The following TMEM131 variants were observed in gnomAD, a reference collection of about 807,000 sequenced individuals.
The protein encoded by TMEM131 is 2610524E03Rik.
TMEM131 carries 66 observed loss-of-function variants against 211.6 expected under a neutral mutation model. That is an observed-to-expected ratio of 0.31 (90% CI 0.26 to 0.38). The LOEUF is 0.38. TMEM131 is among the 10% of genes least tolerant of loss of function. The pLI, the probability that TMEM131 is intolerant of heterozygous loss-of-function variation, is 1.00. For synonymous variants in TMEM131, 844 were observed against 841.3 expected, an observed-to-expected ratio of 1.00 and a Z score of -0.06; for missense variants, 2,036 against 2,299.3, an observed-to-expected ratio of 0.89 and a Z score of 2.34.
At chr2:97,844,965 A>AG in intron 5 of TMEM131, among the ~76,000 whole-genome samples, 1 of 152,228 alleles carries the variant, frequency 6.6e-6, no homozygotes, top group Non-Finnish European at 1.5e-5. Flanking sequence ...TGCTACCTAA[A>AG]TGATAGCTCA....
intron 1 of TMEM131, among the ~76,000 whole-genome samples, chr2:97,932,648 A>G (rs1291231488): frequency 6.6e-6 from 1 of 152,184 alleles, no homozygotes; most frequent in African/African-American, 2.4e-5. Flanking sequence ...TAAGTCATCT[A>G]AAAAGATCTG....
intron 1 of TMEM131, among the ~76,000 whole-genome samples, chr2:97,955,534 T>C (rs1678529616): frequency 6.6e-6 from 1 of 152,170 alleles, no homozygotes; most frequent in Non-Finnish European, 1.5e-5. Flanking sequence ...ATCGTTTACA[T>C]GGAAAATCCA....
chr2:97,786,054 G>T (rs899784248), intron 31 of TMEM131, among the ~76,000 whole-genome samples: 4 of 152,178 alleles, frequency 2.6e-5, no homozygotes, highest in African/African-American at 9.7e-5. Context: ...GGCTAGAAAA[G>T]GGCCCATGAG....
intron 1 of TMEM131, among the ~76,000 whole-genome samples, chr2:97,978,027 C>T (rs1354989362): frequency 6.6e-6 from 1 of 152,020 alleles, no homozygotes; most frequent in African/African-American, 2.4e-5. Context: ...GTGGAGGTTG[C>T]AGTGAGCCGA....
At chr2:97,953,793 A>G (rs907905880) in intron 1 of TMEM131, among the ~76,000 whole-genome samples, 1 of 152,176 alleles carries the variant, frequency 6.6e-6, no homozygotes, top group African/African-American at 2.4e-5. Context: ...AAATAATTAA[A>G]ATTATTCCAT....
intron 7 of TMEM131, among the ~76,000 whole-genome samples, chr2:97,838,128 A>G (rs1416086311): frequency 6.6e-6 from 1 of 152,176 alleles, no homozygotes; most frequent in African/African-American, 2.4e-5. Flanking sequence ...AGTTGTTTCC[A>G]ATGTCTGGCC....
At chr2:97,924,388 A>G (rs1676889277) in intron 2 of TMEM131, among the ~76,000 whole-genome samples, 1 of 152,124 alleles carries the variant, frequency 6.6e-6, no homozygotes, top group South Asian at 2.1e-4. Context: ...GTCTCTATGA[A>G]CTGTGTGGTC....
intron 31 of TMEM131, among the ~76,000 whole-genome samples, chr2:97,782,318 G>C (rs546437198): frequency 6.6e-6 from 1 of 152,318 alleles, no homozygotes; most frequent in East Asian, 1.9e-4. Flanking sequence ...ACTCCACCTG[G>C]CAATAAAAAG....
At chr2:97,889,049 A>C (rs1675274607) in intron 3 of TMEM131, among the ~76,000 whole-genome samples, 1 of 152,204 alleles carries the variant, frequency 6.6e-6, no homozygotes, top group Non-Finnish European at 1.5e-5. Context: ...TACAAGAAAT[A>C]ATTAGAAATA....
intron 31 of TMEM131, among the ~76,000 whole-genome samples, chr2:97,780,035 AAAACAAACAAAAAAC>A (rs1247384176): frequency 2.0e-5 from 3 of 152,148 alleles, no homozygotes; most frequent in East Asian, 1.9e-4. Context: ...AAACAAAAAC[AAAACAAACAAAAAAC>A]AAACAAACAA....
At chr2:97,969,558 T>C (rs961939947) in intron 1 of TMEM131, among the ~76,000 whole-genome samples, 5 of 152,368 alleles carry the variant, frequency 3.3e-5, no homozygotes, top group South Asian at 4.1e-4. Context: ...AAGAATGATG[T>C]ATCTTTCTGT....
chr2:97,989,926 T>G (rs936374814), intron 1 of TMEM131, among the ~76,000 whole-genome samples: 3 of 151,272 alleles, frequency 2.0e-5, no homozygotes, highest in African/African-American at 7.2e-5. Context: ...ACCTTTGAAC[T>G]TCTTCTGGAG....
intron 1 of TMEM131, among the ~76,000 whole-genome samples, chr2:97,949,905 C>T (rs11123966): frequency 0.75 from 113,172 of 151,140 alleles, 44,025 homozygotes; most frequent in African/African-American, 0.87. Flanking sequence ...ACAATAGCTT[C>T]TGAAGGATTC....
intron 19 of TMEM131, among the ~76,000 whole-genome samples, chr2:97,806,998 TTGTCTCTTGGGGG>T (rs1681337306): frequency 6.6e-6 from 1 of 152,130 alleles, no homozygotes; most frequent in South Asian, 2.1e-4. Context: ...CCCTCGTGCC[TTGTCTCTTGGGGG>T]TGTGGGGGAT....
chr2:97,964,648 AAC>A (rs1678966248), intron 1 of TMEM131, among the ~76,000 whole-genome samples: 1 of 152,192 alleles, frequency 6.6e-6, no homozygotes, highest in African/African-American at 2.4e-5. Context: ...CAGACAGAAA[AAC>A]ACATCGAAAC....
rs903694860 is a variant in TMEM131 at position 97,846,316 on chromosome 2, G to A, written c.484-2055C>T. ...TCCACAAAGTACGGCAAACTGAATCGAGGCAAGATATAAAACGGGCAACAC... is the reference window on the plus strand; with the variant it reads ...TCCACAAAGTACGGCAAACTGAATCAAGGCAAGATATAAAACGGGCAACAC... On this transcript the variant is annotated intron_variant, in intron 5 of 40. Coordinates refer to ENST00000186436, the MANE Select transcript of TMEM131 (RefSeq NM_015348.2). Among the ~76,000 whole-genome samples, 8 of 152,094 alleles carry A rather than the reference G, an allele frequency of 5.3e-5. No homozygotes were observed. In the East Asian group the frequency reaches 5.8e-4, roughly 11 times the overall value.
chr2:97,809,765 T>C lies in TMEM131; in HGVS notation c.1978A>G (p.Ile660Val). 1.9e-6 allele frequency: 3 copies of C among 1,602,888 alleles called. No homozygotes were observed. The highest frequency in any genetic ancestry group is 2.6e-6 in the Non-Finnish European group (3 of 1,174,400). Residue 660 changes from isoleucine to valine, a missense_variant, in exon 19 of 41, where the codon ATC (isoleucine) becomes GTC (valine). Around this residue, in one of 3 missense-constraint regions of TMEM131, gnomAD observed 1,623 missense variants for 1,805.9 expected, o/e 0.90. Transcript: ENST00000186436. Reference sequence around the variant, plus strand: ...ACTGCAATCACAGCCTTCACAGGGATTGTCAGGATCTGTGAAGTCAAGAAG... The same window carrying C: ...ACTGCAATCACAGCCTTCACAGGGACTGTCAGGATCTGTGAAGTCAAGAAG... ...QITTDYEILT[I>V]PVKAVIAVGS...
intron 1 of TMEM131, among the ~76,000 whole-genome samples, chr2:97,967,532 T>C (rs914791512): frequency 6.6e-6 from 1 of 151,634 alleles, no homozygotes; most frequent in South Asian, 2.1e-4. Flanking sequence ...AAAAAGAGTA[T>C]AAAGATCACA....
At chr2:97,793,266 G>A (rs1446378325) in intron 30 of TMEM131, 129 bp downstream of exon 30, 2 of 949,214 alleles carry the variant, frequency 2.1e-6, no homozygotes, top group East Asian at 2.6e-5. Context: ...CATACAGGGT[G>A]TTATTAAGTA....
Sources: allele counts gnomAD v4.1 joint callset (sites outside exome capture counted in the v4.1 genomes callset), GRCh38; gene constraint gnomAD v4.1.1; regional missense constraint gnomAD v4.1.1; transcripts MANE v1.5; gene names NCBI Gene and HGNC (gene_info 2026-07-23, HGNC 2026-07-21).